PCGF5: variants seen among roughly 807,000 people sequenced by gnomAD.
The protein encoded by PCGF5 is polycomb group ring finger 5, also known as polycomb group RING finger protein 5.
Under a neutral mutation model 44.3 loss-of-function variants are expected in PCGF5, and 9 were observed. The observed-to-expected ratio is 0.20, with a 90% CI of 0.12 to 0.35. The LOEUF is 0.35. Ranked by LOEUF, PCGF5 falls within the 10% of genes least tolerant of loss-of-function variation. The pLI, the probability that PCGF5 is intolerant of heterozygous loss-of-function variation, is 1.00. For missense variants in PCGF5, 146 were observed against 305.3 expected (o/e 0.48, Z 3.89); for synonymous variants, 95 against 102.5 (o/e 0.93, Z 0.44).
At chr10:91,177,964 C>G (rs1843742715) in intron 1 of PCGF5, among the ~76,000 whole-genome samples, 1 of 152,216 alleles carries the variant, frequency 6.6e-6, no homozygotes, top group South Asian at 2.1e-4. Flanking sequence ...AACCCGGTAC[C>G]TCAGTTGGAA....
chr10:91,167,414 A>C (rs1843518906), intron 1 of PCGF5, among the ~76,000 whole-genome samples: 1 of 152,240 alleles, frequency 6.6e-6, no homozygotes, highest in South Asian at 2.1e-4. Context: ...GTGAATTCAG[A>C]GGAGGAAAAG....
chr10:91,218,291 G>T (rs1050744486), upstream of PCGF5, among the ~76,000 whole-genome samples: 1 of 152,136 alleles, frequency 6.6e-6, no homozygotes, highest in African/African-American at 2.4e-5. Flanking sequence ...TTGATAAGGG[G>T]ACTCCCAGCT....
intron 1 of PCGF5, among the ~76,000 whole-genome samples, chr10:91,170,961 T>C (rs1293659981): frequency 1.3e-5 from 2 of 152,212 alleles, no homozygotes; most frequent in African/African-American, 4.8e-5. Context: ...GAAGCTTAAA[T>C]GCATATTCCT....
chr10:91,257,089 T>G (rs563332705), intron 6 of PCGF5, among the ~76,000 whole-genome samples: 1 of 152,210 alleles, frequency 6.6e-6, no homozygotes, highest in African/African-American at 2.4e-5. Context: ...TACAGGTATA[T>G]GAAGAACTCT....
At chr10:91,213,464 T>TA (rs200756374) in intron 1 of PCGF5, among the ~76,000 whole-genome samples, 6,810 of 141,450 alleles carry the variant, frequency 0.048, 364 homozygotes, top group African/African-American at 0.14. Flanking sequence ...TTTATTTCAT[T>TA]AAAAAAAATT....
chr10:91,216,111 C>T (rs1844534223), upstream of PCGF5, among the ~76,000 whole-genome samples: 1 of 152,206 alleles, frequency 6.6e-6, no homozygotes, highest in Admixed American at 6.5e-5. Flanking sequence ...ATCCACTGGG[C>T]TTACACTCTA....
intron 1 of PCGF5, among the ~76,000 whole-genome samples, chr10:91,201,117 G>A (rs1490118670): frequency 1.3e-5 from 2 of 152,200 alleles, no homozygotes; most frequent in African/African-American, 2.4e-5. Context: ...AGCTGTCTTA[G>A]TTTGTTTTCT....
chr10:91,251,339 G>A lies in PCGF5; in HGVS notation c.373G>A (p.Glu125Lys), dbSNP rs1845619506. The A allele has an allele frequency of 1.9e-6, 3 of 1,610,774 alleles. No individual in the cohort carries two copies. Among genetic ancestry groups the A allele is most frequent in the Non-Finnish European group, 1.7e-6 (2 of 1,177,806 alleles). ...ACCGAAAGTAGATGAAGAAGGTGAT[G>A]AAAATGAAGATGATAAAGATTATCA... ...DKPKVDEEGDENEDDKDYHRS... is the reference protein window; with the variant it reads ...DKPKVDEEGDKNEDDKDYHRS... The change falls in exon 6 of 10, where the codon GAA (glutamate) becomes AAA (lysine). Residue 125 changes from glutamate to lysine, a missense_variant. This residue lies in a region of PCGF5 where 123 missense variants were observed against 268.6 expected (regional missense o/e 0.46). Transcript: ENST00000336126.
chr10:91,261,249 G>T, intron 6 of PCGF5, 77 bp from the exon 7 acceptor site: 1 of 1,359,334 alleles, frequency 7.4e-7, no homozygotes. Context: ...GAAACTGGTA[G>T]CTATGGTTTC....
intron 5 of PCGF5, among the ~76,000 whole-genome samples, chr10:91,250,554 A>G (rs528318216): frequency 6.9e-6 from 1 of 145,932 alleles, no homozygotes; most frequent in South Asian, 2.1e-4. Context: ...CCACTGTGAG[A>G]GAGAGGATGA....
chr10:91,260,080 A>G (rs1427157595), intron 6 of PCGF5, among the ~76,000 whole-genome samples: 1 of 134,620 alleles, frequency 7.4e-6, no homozygotes, highest in Non-Finnish European at 1.5e-5. Flanking sequence ...ACAAAGGGCT[A>G]ATATCCAGAA....
chr10:91,223,172 T>C (rs1202820002), intron 2 of PCGF5, among the ~76,000 whole-genome samples, 189 bp downstream of exon 2: 3 of 152,242 alleles, frequency 2.0e-5, no homozygotes, highest in Non-Finnish European at 2.9e-5. Flanking sequence ...TTGCTTTTAT[T>C]TGAATCTCAG....
intron 1 of PCGF5, among the ~76,000 whole-genome samples, chr10:91,173,028 A>T (rs976307471): frequency 2.6e-5 from 4 of 152,204 alleles, no homozygotes; most frequent in African/African-American, 9.7e-5. Flanking sequence ...AATCAATAAT[A>T]AGTGCCTAAG....
Position 91,283,146 on chromosome 10 carries a change from TG to T in PCGF5, c.*4831del, listed in dbSNP as rs1242454182. On this transcript the variant is annotated 3_prime_UTR_variant, in exon 10 of 10. Transcript: ENST00000336126. The stretch of plus-strand genomic sequence containing the variant: ...TGTTCAATAGTTTTTATTGCAGTGA[TG>T]TTTTTCCAATAATTTAAGTAATTCT... The T allele has an allele frequency of 6.6e-6, 1 of 152,246 alleles. No individual in the cohort carries two copies. Among genetic ancestry groups the T allele is most frequent in the African/African-American group, 2.4e-5 (1 of 41,472 alleles). The allele number at this position is 152,246 out of a possible 1,614,324, so 9.4% of individuals were successfully genotyped here.
chr10:91,172,268 A>G (rs1843622372), intron 1 of PCGF5, among the ~76,000 whole-genome samples: 1 of 152,064 alleles, frequency 6.6e-6, no homozygotes, highest in Non-Finnish European at 1.5e-5. Flanking sequence ...AAAATACAGA[A>G]ATTAGCTGGG....
the PCGF5 span, among the ~76,000 whole-genome samples, chr10:91,157,629 A>G: frequency 6.6e-6 from 1 of 152,216 alleles, no homozygotes; most frequent in South Asian, 2.1e-4. Flanking sequence ...AGGCCTAAAG[A>G]GAAGGAGTCA....
At chr10:91,223,126 GA>G (rs1844726322) in intron 2 of PCGF5, 143 bp downstream of exon 2, 3 of 637,606 alleles carry the variant, frequency 4.7e-6, no homozygotes, top group Non-Finnish European at 8.0e-6. Flanking sequence ...TGAATTTTCA[GA>G]ATATTTGTCA....
chr10:91,276,001 A>T (rs542870746), intron 9 of PCGF5, among the ~76,000 whole-genome samples: 1 of 152,086 alleles, frequency 6.6e-6, no homozygotes, highest in East Asian at 1.9e-4. Flanking sequence ...GTTAAAAATT[A>T]TGTAGCACCG....
At chr10:91,214,001 C>T (rs1028125458) in intron 1 of PCGF5, among the ~76,000 whole-genome samples, 10 of 152,100 alleles carry the variant, frequency 6.6e-5, no homozygotes, top group African/African-American at 2.2e-4. Flanking sequence ...AGACTCATGT[C>T]CTTATAAGAA....
Sources: allele counts gnomAD v4.1 joint callset (sites outside exome capture counted in the v4.1 genomes callset), GRCh38; gene constraint gnomAD v4.1.1; regional missense constraint gnomAD v4.1.1; transcripts MANE v1.5; gene names NCBI Gene and HGNC (gene_info 2026-07-23, HGNC 2026-07-21).